NBEA: variants seen among roughly 807,000 people sequenced by gnomAD.
The protein encoded by NBEA is neurobeachin.
NBEA carries 44 observed loss-of-function variants against 343.4 expected under a neutral mutation model. The observed-to-expected ratio is 0.13, with a 90% confidence interval of 0.10 to 0.16. The LOEUF is 0.16. Among genes scored for constraint, NBEA ranks in the 10% least tolerant of loss-of-function variants. The pLI is 1.00. For synonymous variants in NBEA, 1,175 were observed against 1,238.7 expected, an observed-to-expected ratio of 0.95 and a Z score of 1.08; for missense variants, 2,555 against 3,631.3, an observed-to-expected ratio of 0.70 and a Z score of 7.62.
intron 44 of NBEA, among the ~76,000 whole-genome samples, chr13:35,566,651 A>G (rs2080152207): frequency 6.6e-6 from 1 of 152,228 alleles, no homozygotes; most frequent in South Asian, 2.1e-4. Flanking sequence ...GTGGTGTAAC[A>G]CAGGAAGAGG....
intron 46 of NBEA, among the ~76,000 whole-genome samples, chr13:35,584,273 C>G (rs1481389338): frequency 6.6e-6 from 1 of 151,050 alleles, no homozygotes; most frequent in Non-Finnish European, 1.5e-5. Flanking sequence ...TTAAACCAAA[C>G]CAGTTGTCCA....
intron 1 of NBEA, among the ~76,000 whole-genome samples, chr13:34,988,707 A>G (rs2060646722): frequency 6.6e-6 from 1 of 150,860 alleles, no homozygotes; most frequent in Admixed American, 6.6e-5. Context: ...TGTTCTTTGT[A>G]TTTGGTGATA....
intron 10 of NBEA, among the ~76,000 whole-genome samples, chr13:35,090,794 A>T (rs551120516): frequency 6.6e-6 from 1 of 152,046 alleles, no homozygotes; most frequent in South Asian, 2.1e-4. Context: ...ACTCAATGCA[A>T]GAAAAACACC....
intron 41 of NBEA, among the ~76,000 whole-genome samples, chr13:35,506,760 A>G (rs893197234): frequency 2.6e-5 from 4 of 152,174 alleles, no homozygotes; most frequent in African/African-American, 7.2e-5. Flanking sequence ...GAAGAACTCA[A>G]CCTAGGGCTC....
At chr13:35,141,929 G>A (rs2068114761) in intron 17 of NBEA, among the ~76,000 whole-genome samples, 1 of 152,158 alleles carries the variant, frequency 6.6e-6, no homozygotes, top group South Asian at 2.1e-4. Context: ...TGGTCTGTAT[G>A]TTAGGGGATA....
At chr13:35,216,816 T>C (rs1315212335) in intron 33 of NBEA, among the ~76,000 whole-genome samples, 2 of 151,934 alleles carry the variant, frequency 1.3e-5, no homozygotes, top group East Asian at 3.8e-4. Context: ...CTAAAGGACA[T>C]TTAAGTTTTT....
chr13:35,188,906 GT>G (rs571102808), intron 30 of NBEA, among the ~76,000 whole-genome samples: 18,568 of 109,544 alleles, frequency 0.17, 873 homozygotes, highest in South Asian at 0.2. Flanking sequence ...TTTACTTTTT[GT>G]TTTTTTTTTT....
At chr13:35,535,538 A>C (rs186217214) in intron 41 of NBEA, among the ~76,000 whole-genome samples, 26 of 152,270 alleles carry the variant, frequency 1.7e-4, no homozygotes, top group Admixed American at 1.3e-3. Context: ...CTGAGGGTTC[A>C]CTAAGGTCTG....
At chr13:35,462,671 A>C (rs2152953115) in intron 40 of NBEA, among the ~76,000 whole-genome samples, 1 of 152,270 alleles carries the variant, frequency 6.6e-6, no homozygotes, top group Non-Finnish European at 1.5e-5. Context: ...TGCTTTTAGG[A>C]TGCCCAGACT....
intron 34 of NBEA, among the ~76,000 whole-genome samples, chr13:35,259,244 C>T (rs2032978305): frequency 6.6e-6 from 1 of 152,142 alleles, no homozygotes; most frequent in African/African-American, 2.4e-5. Flanking sequence ...CCAGACTCAA[C>T]TGGTAAAATT....
In NBEA at chr13:35,618,655, C is replaced by G. The variant is rs115435196; in HGVS notation, c.7450-9426C>G. ...TACGTCAAGAATTGGTTTAATTTATCCACATGAAGCTAGGCTTATTAGACT... is the reference window on the plus strand; with the variant it reads ...TACGTCAAGAATTGGTTTAATTTATGCACATGAAGCTAGGCTTATTAGACT... On this transcript the variant is annotated intron_variant, in intron 48 of 58. Coordinates refer to ENST00000379939, the MANE Select transcript of NBEA (RefSeq NM_001385012.1). Among the ~76,000 whole-genome samples the G allele has an allele frequency of 3.7e-3, 566 of 152,256 alleles. 1 individual carries two copies. Among genetic ancestry groups the G allele is most frequent in the African/African-American group, 0.013 (536 of 41,540 alleles).
chr13:34,984,127 T>C lies in NBEA; in HGVS notation c.294+41013T>C, dbSNP rs189567835. ...TCCTTGCCCATGCCTCTTTCCTGAA[T>C]GGTATTGCCTAGGTTTTCTTCTAGG... is the stretch of plus-strand genomic sequence containing the variant. On this transcript the variant is annotated intron_variant, in intron 1 of 58. Transcript: ENST00000379939. Among the ~76,000 whole-genome samples, 29 of 152,334 alleles carry C rather than the reference T, an allele frequency of 1.9e-4. No homozygotes were observed. In the East Asian group the frequency reaches 5.6e-3, roughly 29 times the overall value.
intron 41 of NBEA, among the ~76,000 whole-genome samples, chr13:35,534,031 G>A (rs2078405709): frequency 6.6e-6 from 1 of 152,088 alleles, no homozygotes; most frequent in Admixed American, 6.6e-5. Context: ...AAGTTGTCAG[G>A]TGTAGATAGG....
intron 36 of NBEA, among the ~76,000 whole-genome samples, chr13:35,315,058 A>G (rs2152836226): frequency 6.6e-6 from 1 of 152,246 alleles, no homozygotes; most frequent in East Asian, 1.9e-4. Flanking sequence ...CTTTTATCCC[A>G]TTTGCATGCA....
At chr13:35,370,268 G>T (rs1300462778) in intron 38 of NBEA, among the ~76,000 whole-genome samples, 1 of 151,712 alleles carries the variant, frequency 6.6e-6, no homozygotes, top group African/African-American at 2.4e-5. Flanking sequence ...TGCTGAGTTG[G>T]TCCCTTTATC....
chr13:35,166,518 C>G (rs997812546), intron 24 of NBEA, among the ~76,000 whole-genome samples: 1 of 152,020 alleles, frequency 6.6e-6, no homozygotes, highest in Middle Eastern at 3.2e-3. Flanking sequence ...ATTATAGAAA[C>G]CTTTGTTTAT....
In NBEA at chr13:35,151,800, G is replaced by T. The variant is rs181323115; in HGVS notation, c.2446-3974G>T. ...TTTATATACATATTATTTAGGAATT[G>T]TAATATTTATGAAACTTATCTTTTA... On this transcript the variant is annotated intron_variant, in intron 18 of 58. Coordinates refer to ENST00000379939, the MANE Select transcript of NBEA (RefSeq NM_001385012.1). Among the ~76,000 whole-genome samples the T allele has an allele frequency of 1.2e-3, 175 of 152,102 alleles. 1 individual carries two copies. The highest frequency in any genetic ancestry group is 1.9e-3 in the Non-Finnish European group (131 of 67,970).
At chr13:35,204,012 A>G (rs551239685) in intron 31 of NBEA, among the ~76,000 whole-genome samples, 31 of 152,296 alleles carry the variant, frequency 2.0e-4, no homozygotes, top group African/African-American at 6.0e-4. Flanking sequence ...CCCCTGGGCC[A>G]TGGACTGGTA....
intron 11 of NBEA, 119 bp downstream of exon 11, chr13:35,098,524 C>A: frequency 1.7e-6 from 1 of 599,720 alleles, no homozygotes; most frequent in South Asian, 2.9e-5. Context: ...ATACTATTTG[C>A]TAATTCACAA....
Sources: gnomAD v4.1 joint callset for allele counts (sites outside exome capture counted in the v4.1 genomes callset) on GRCh38, gnomAD v4.1.1 for gene constraint, MANE v1.5 for transcripts, NCBI Gene and HGNC (gene_info 2026-07-23, HGNC 2026-07-21) for gene names.